OS9: variants seen among roughly 807,000 people sequenced by gnomAD.
OS9 encodes the protein OS9 endoplasmic reticulum lectin, also known as protein OS-9.
OS9 carries 58 observed loss-of-function variants against 84.7 expected under a neutral mutation model. The observed-to-expected ratio is 0.68, with a 90% CI of 0.55 to 0.85. OS9 has a LOEUF of 0.85. Ranked by LOEUF, OS9 falls within the 40% of genes least tolerant of loss-of-function variation. OS9 has a pLI of 0.00. For synonymous variants in OS9, 278 were observed against 320.8 expected (o/e 0.87, Z 1.43); for missense variants, 760 against 850.9 (o/e 0.89, Z 1.33).
At chr12:57,695,547 G>A (rs1397091563) in intron 2 of OS9, 1 of 695,866 alleles carries the variant, frequency 1.4e-6, no homozygotes, top group African/African-American at 1.7e-5. Flanking sequence ...TAAAAGGGAG[G>A]AATGGAAAGA....
In OS9 at chr12:57,694,144, T is replaced by C. The variant is rs370126283; in HGVS notation, c.-18T>C. 1 of 1,613,990 alleles carries C rather than the reference T, an allele frequency of 6.2e-7. No individual in the cohort carries two copies. The highest frequency in any genetic ancestry group is 8.5e-7 in the Non-Finnish European group (1 of 1,179,890). ...TTAGGGCGGAAACAGATTCTCTGCA[T>C]AAGAAGGGGAACGAAAGATGGCGGC... On this transcript the variant is annotated 5_prime_UTR_variant, in exon 1 of 15. Transcript: ENST00000315970.
In OS9 at chr12:57,710,333, T is replaced by G. The variant is rs564589336; in HGVS notation, c.580-5427T>G. ...CTATCTTTTTAATCTCTGTGGCATC[T>G]GTAATTAGGTTCCTCTTTTCATTCC... On this transcript the variant is annotated intron_variant, in intron 5 of 14. Transcript: ENST00000315970. Among the ~76,000 whole-genome samples the G allele has an allele frequency of 1.1e-4, 17 of 152,354 alleles. No homozygotes were observed. The South Asian group carries it at 3.5e-3, about 32-fold the overall frequency.
intron 9 of OS9, 125 bp from the exon 10 acceptor site, chr12:57,717,729 GTTGCAGTGAGCAGAGA>G (rs1290911322): frequency 5.3e-6 from 3 of 563,578 alleles, no homozygotes; most frequent in Non-Finnish European, 9.0e-6. Flanking sequence ...GGAGGCAGAG[GTTGCAGTGAGCAGAGA>G]TTGCACCACT....
chr12:57,702,679 C>G (rs1042576394), intron 5 of OS9, among the ~76,000 whole-genome samples: 3 of 152,196 alleles, frequency 2.0e-5, no homozygotes, highest in Non-Finnish European at 4.4e-5. Context: ...CATCATTTTA[C>G]ATTCCTAGTA....
At chr12:57,710,919 G>A (rs1954306936) in intron 5 of OS9, among the ~76,000 whole-genome samples, 1 of 150,886 alleles carries the variant, frequency 6.6e-6, no homozygotes, top group African/African-American at 2.4e-5. Flanking sequence ...CATGTCTGTA[G>A]TCCCAGCTAC....
At chr12:57,700,787 G>T (rs1953998492) in intron 5 of OS9, among the ~76,000 whole-genome samples, 1 of 151,686 alleles carries the variant, frequency 6.6e-6, no homozygotes, top group South Asian at 2.1e-4. Context: ...AAAAAATGCG[G>T]ACAGGGCTGG....
chr12:57,697,911 AC>A (rs751911995), intron 5 of OS9, among the ~76,000 whole-genome samples: 38,641 of 124,710 alleles, frequency 0.31, 6,554 homozygotes, highest in Admixed American at 0.38. Context: ...ATAAGCAAAC[AC>A]ACACACACAC....
At chr12:57,694,374 GAGAT>G (rs773290567) in intron 1 of OS9, 51 bp downstream of exon 1, 12 of 1,588,986 alleles carry the variant, frequency 7.6e-6, no homozygotes, top group Admixed American at 6.7e-5. Context: ...AAGCGGGTAA[GAGAT>G]AGAGGAAGAA....
chr12:57,699,393 G>C (rs542460206), intron 5 of OS9, among the ~76,000 whole-genome samples: 1 of 152,270 alleles, frequency 6.6e-6, no homozygotes, highest in African/African-American at 2.4e-5. Context: ...AATGAGAAAA[G>C]TGGGATGGAA....
At chr12:57,696,428 G>T in intron 5 of OS9, 55 bp downstream of exon 5, 1 of 634,082 alleles carries the variant, frequency 1.6e-6, no homozygotes, top group Non-Finnish European at 2.6e-6. Flanking sequence ...CAGATTCTAA[G>T]GGAAGAGGGT....
intron 5 of OS9, among the ~76,000 whole-genome samples, chr12:57,705,458 G>A (rs1954139230): frequency 6.6e-6 from 1 of 152,058 alleles, no homozygotes. Context: ...GTTTGTGTAT[G>A]CATATATTTC....
chr12:57,709,929 T>G (rs948248224), intron 5 of OS9, among the ~76,000 whole-genome samples: 1 of 152,038 alleles, frequency 6.6e-6, no homozygotes, highest in Non-Finnish European at 1.5e-5. Flanking sequence ...CTCGGCTCAC[T>G]GCAACCTCTG....
intron 5 of OS9, among the ~76,000 whole-genome samples, chr12:57,701,303 T>C (rs145325954): frequency 0.018 from 2,549 of 138,866 alleles, 84 homozygotes; most frequent in African/African-American, 0.065. Flanking sequence ...TGAGACAGAG[T>C]CTCGCTCTGT....
In OS9 at chr12:57,718,200, C is replaced by A. The variant is rs952205326; in HGVS notation, c.1189C>A (p.Gln397Lys). Reference sequence around the variant, plus strand: ...TGTGGATGATGCTGCAGAAGTCCCTCAGAGGGAACCAGAGAAGGAAAGGGG... The same window carrying A: ...TGTGGATGATGCTGCAGAAGTCCCTAAGAGGGAACCAGAGAAGGAAAGGGG... ...QPVDDAAEVP[Q>K]REPEKERGDP... Residue 397 changes from glutamine to lysine, a missense_variant, in exon 11 of 15, where the codon CAG (glutamine) becomes AAG (lysine). Physicochemically the swap from Gln to Lys is moderately conservative, Grantham distance 53. Coordinates refer to ENST00000315970, the MANE Select transcript of OS9 (RefSeq NM_006812.4). The A allele has an allele frequency of 1.2e-6, 2 of 1,613,918 alleles. No homozygotes were observed. The highest frequency in any genetic ancestry group is 1.7e-6 in the Non-Finnish European group (2 of 1,180,024).
chr12:57,721,186 C>A lies in OS9; in HGVS notation c.*277C>A. The stretch of plus-strand genomic sequence containing the variant: ...CTCTGTGGCTTTTCCTGTTATTGTC[C>A]CCTAATGATAGGATATTCCCTGCTG... On this transcript the variant is annotated 3_prime_UTR_variant, in exon 15 of 15. Transcript: ENST00000315970. 1 of 381,672 alleles carries A rather than the reference C, an allele frequency of 2.6e-6. No individual in the cohort carries two copies. The highest frequency in any genetic ancestry group is 4.9e-6 in the Non-Finnish European group (1 of 204,742). 23.6% of individuals were successfully genotyped at this position (381,672 alleles called of 1,614,324 possible).
rs769693067 is a variant in OS9, at chr12:57,715,811, G to T, written c.631G>T (p.Asp211Tyr). 3 of 1,613,806 alleles carry T rather than the reference G, an allele frequency of 1.9e-6. No homozygotes were observed. Among genetic ancestry groups the T allele is most frequent in the Admixed American group, 3.3e-5 (2 of 59,960 alleles). The change falls in exon 6 of 15, where the codon GAC (aspartate) becomes TAC (tyrosine). Residue 211 changes from aspartate (D) to tyrosine (Y), a missense_variant. Asp to Tyr is a radical substitution (Grantham distance 160). Transcript: ENST00000315970. ...GISGDYIDRV[D>Y]EPLSCSYVLT... is the part of the protein sequence containing the mutation. Reference sequence around the variant, plus strand: ...CTCTGGGGACTACATCGATCGCGTGGACGAGCCCTTGTCCTGCTCTTATGT... The same window carrying T: ...CTCTGGGGACTACATCGATCGCGTGTACGAGCCCTTGTCCTGCTCTTATGT...
rs1954664930 is a variant in OS9, at chr12:57,720,974, C to G, written c.*65C>G. The G allele has an allele frequency of 6.3e-7, 1 of 1,580,698 alleles. No homozygotes were observed. Among genetic ancestry groups the G allele is most frequent in the South Asian group, 1.1e-5 (1 of 89,468 alleles). ...TTCCTGGACTGGCTTGCCTCCTCCC[C>G]ACCTCCCCACCCTGGAACCCCTGAG... On this transcript the variant is annotated 3_prime_UTR_variant, in exon 15 of 15. Coordinates refer to ENST00000315970, the MANE Select transcript of OS9 (RefSeq NM_006812.4).
intron 7 of OS9, 34 bp downstream of exon 7, chr12:57,716,227 A>C: frequency 7.7e-7 from 1 of 1,299,550 alleles, no homozygotes; most frequent in Non-Finnish European, 1.1e-6. Flanking sequence ...CGTGAAACTC[A>C]CTTCCATTTC....
In OS9 at chr12:57,720,477, G is replaced by A; in HGVS notation, c.1837G>A (p.Glu613Lys). Reference sequence around the variant, plus strand: ...AGAGGGTGCACGTTGGCTGACTGATGAGGACACGAGAAACCTCAAGGAGAT... The same window carrying A: ...AGAGGGTGCACGTTGGCTGACTGATAAGGACACGAGAAACCTCAAGGAGAT... ...TEEGARWLTDEDTRNLKEIFF... is the reference protein window; with the variant it reads ...TEEGARWLTDKDTRNLKEIFF... Residue 613 changes from glutamate (E) to lysine (K), a missense_variant, in exon 14 of 15, where the codon GAG becomes AAG. By Grantham distance (56) the Glu-to-Lys change is moderately conservative (BLOSUM62 1). Transcript: ENST00000315970. The A allele has an allele frequency of 6.2e-7, 1 of 1,613,918 alleles. No homozygotes were observed. Among genetic ancestry groups the A allele is most frequent in the Non-Finnish European group, 8.5e-7 (1 of 1,179,726 alleles).
Sources: allele counts gnomAD v4.1 joint callset (sites outside exome capture counted in the v4.1 genomes callset), GRCh38; gene constraint gnomAD v4.1.1; transcripts MANE v1.5; gene names NCBI Gene and HGNC (gene_info 2026-07-23, HGNC 2026-07-21).